Variants in CCAR2 observed in about 807,000 individuals in gnomAD.
CCAR2 encodes cell cycle and apoptosis regulator protein 2.
A neutral mutation model predicts 108.1 loss-of-function variants in CCAR2; 21 were observed. That is an observed-to-expected ratio of 0.19 (90% CI 0.14 to 0.28). The LOEUF is 0.28. Among genes scored for constraint, CCAR2 ranks in the 10% least tolerant of loss-of-function variants. The pLI is 1.00. For missense variants in CCAR2, 1,126 were observed against 1,177.0 expected, an observed-to-expected ratio of 0.96 and a Z score of 0.63; for synonymous variants, 577 against 472.8, an observed-to-expected ratio of 1.22 and a Z score of -2.86.
intron 8 of CCAR2, 96 bp from the exon 9 acceptor site, chr8:22,613,996 G>A: frequency 8.9e-7 from 1 of 1,129,310 alleles, no homozygotes; most frequent in Non-Finnish European, 1.3e-6. Flanking sequence ...TTCTCAGACT[G>A]AAAAAAAATT....
chr8:22,610,948 C>G (rs1325113035), intron 7 of CCAR2, among the ~76,000 whole-genome samples: 1 of 152,110 alleles, frequency 6.6e-6, no homozygotes, highest in Non-Finnish European at 1.5e-5. Flanking sequence ...GTACCCATAT[C>G]TATTGCACTT....
chr8:22,618,066 A>G (rs1415551130), intron 16 of CCAR2: 6 of 591,672 alleles, frequency 1.0e-5, no homozygotes, highest in Non-Finnish European at 1.2e-5. Flanking sequence ...CGTGATGAAC[A>G]TCAGGCAAGG....
chr8:22,618,337 T>TTTTC lies in CCAR2; in HGVS notation c.2074-8_2074-5dup, dbSNP rs1343051540. On this transcript the variant is annotated splice_polypyrimidine_tract_variant and intron_variant, in intron 16 of 20. Coordinates refer to ENST00000308511, the MANE Select transcript of CCAR2 (RefSeq NM_001393997.1). ...TATTTGCAAATCCTGCTCATCTTTGTTTTCTTTGCAGCCCAAGGAGCTGGA... is the reference window on the plus strand; with the variant it reads ...TATTTGCAAATCCTGCTCATCTTTGTTTTCTTTCTTTGCAGCCCAAGGAGCTGGA... The TTTTC allele has an allele frequency of 6.2e-7, 1 of 1,614,014 alleles. No homozygotes were observed. Among genetic ancestry groups the TTTTC allele is most frequent in the Non-Finnish European group, 8.5e-7 (1 of 1,179,982 alleles).
intron 6 of CCAR2, 88 bp downstream of exon 6, chr8:22,607,413 G>T (rs1801117528): frequency 6.5e-7 from 1 of 1,527,730 alleles, no homozygotes; most frequent in Non-Finnish European, 8.9e-7. Flanking sequence ...TAGCATAGAG[G>T]TGGGTACTTC....
rs1031349470 is a variant in CCAR2, at chr8:22,604,780, C to T, written c.-101C>T. The stretch of plus-strand genomic sequence containing the variant: ...GGAGAGGCGCTTCCGGTGGCGGCGG[C>T]AGCAGCGGCTGTGGTGGTTCCGGGT... On this transcript the variant is annotated 5_prime_UTR_variant, in exon 1 of 21. Transcript: ENST00000308511. 1.5e-5 allele frequency: 7 copies of T among 455,964 alleles called. No homozygotes were observed. Among genetic ancestry groups the T allele is most frequent in the African/African-American group, 8.0e-5 (4 of 50,070 alleles). The allele number at this position is 455,964 out of a possible 1,614,324, so 28.2% of individuals were successfully genotyped here. A position where few individuals can be genotyped will look rare whatever the true frequency, so the allele number is the denominator to read the frequency against.
intron 10 of CCAR2, 113 bp downstream of exon 10, chr8:22,614,616 G>C (rs780544472): frequency 1.8e-6 from 2 of 1,092,440 alleles, no homozygotes; most frequent in Non-Finnish European, 1.4e-6. Context: ...TCTCAGAGCC[G>C]AACACCCCTC....
intron 14 of CCAR2, 94 bp from the exon 15 acceptor site, chr8:22,617,326 G>A: frequency 7.1e-7 from 1 of 1,413,302 alleles, no homozygotes; most frequent in South Asian, 1.4e-5. Context: ...ACAGTGCCTG[G>A]GGCATAGTTG....
At chr8:22,606,208 G>C (rs760161558) in intron 3 of CCAR2, 32 bp downstream of exon 3, 9 of 1,546,462 alleles carry the variant, frequency 5.8e-6, no homozygotes, top group African/African-American at 2.7e-5. Context: ...GTAAGTTTCA[G>C]CCCTTGGGAC....
rs201518185 is a variant in CCAR2, at chr8:22,619,694, G to C, written c.*12G>C. On this transcript the variant is annotated 3_prime_UTR_variant, in exon 21 of 21. Transcript: ENST00000308511. ...CACCTAGCAACTGACGGCCTCGCAC[G>C]GAACTGCCATCCTGTGAGGGCAGCG... is the stretch of plus-strand genomic sequence containing the variant. The C allele has an allele frequency of 6.4e-7, 1 of 1,564,044 alleles. No individual in the cohort carries two copies. Among genetic ancestry groups the C allele is most frequent in the African/African-American group, 1.4e-5 (1 of 73,756 alleles).
chr8:22,616,195 C>T lies in CCAR2; in HGVS notation c.1792C>T (p.Pro598Ser), dbSNP rs1801500815. Residue 598 changes from proline (P) to serine (S), a missense_variant, in exon 14 of 21, where the codon CCC (proline) becomes TCC (serine). Transcript: ENST00000308511. ...CATCAAAGAGGAGGTGGTCAAGGAG[C>T]CCAAGGATGAGGCACAGAATGAGGG... ...EAIKEEVVKEPKDEAQNEGPA... is the reference protein window; with the variant it reads ...EAIKEEVVKESKDEAQNEGPA... 3 of 1,613,674 alleles carry T rather than the reference C, an allele frequency of 1.9e-6. No homozygotes were observed. The highest frequency in any genetic ancestry group is 1.1e-5 in the South Asian group (1 of 91,074).
In CCAR2 at chr8:22,615,667, C is replaced by A. The variant is rs769335655; in HGVS notation, c.1378-15C>A. The A allele has an allele frequency of 6.2e-7, 1 of 1,613,810 alleles. No homozygotes were observed. Among genetic ancestry groups the A allele is most frequent in the Non-Finnish European group, 8.5e-7 (1 of 1,179,984 alleles). On this transcript the variant is annotated splice_polypyrimidine_tract_variant and intron_variant, in intron 12 of 20. Coordinates refer to ENST00000308511, the MANE Select transcript of CCAR2 (RefSeq NM_001393997.1). ...TCCCGGGACCCAGAGGGTCTCATTT[C>A]AGCTGTTGTCACAGGAAACGGAGCC...
Position 22,617,746 on chromosome 8 carries a change from T to G in CCAR2, c.2041T>G (p.Ser681Ala), listed in dbSNP as rs1365683758. The change falls in exon 16 of 21, where the codon TCA becomes GCA. Residue 681 changes from serine (S) to alanine (A), a missense_variant. Physicochemically the swap from Ser to Ala is moderately conservative, Grantham distance 99. This residue lies in a region of CCAR2 where 1,013 missense variants were observed against 993.9 expected (regional missense o/e 1.02). Coordinates refer to ENST00000308511, the MANE Select transcript of CCAR2 (RefSeq NM_001393997.1). ...SEVRSVASNQ[S>A]EMEFSSLQDM... ...GGTCCGGTCCGTTGCCTCAAACCAG[T>G]CAGAGATGGAGTTCTCTTCACTTCA... 6.2e-7 allele frequency: 1 copy of G among 1,613,878 alleles called. No homozygotes were observed. Among genetic ancestry groups the G allele is most frequent in the Non-Finnish European group, 8.5e-7 (1 of 1,180,014 alleles).
rs1801352323 is a variant in CCAR2 at position 22,613,042 on chromosome 8, A to C, written c.610A>C (p.Lys204Gln). The change falls in exon 8 of 21, where the codon AAA becomes CAA. Residue 204 changes from lysine to glutamine, a missense_variant. Coordinates refer to ENST00000308511, the MANE Select transcript of CCAR2 (RefSeq NM_001393997.1). ...RSDDYDSKKR[K>Q]QRAGGEPWGA... is the part of the protein sequence containing the mutation. ...TGATGACTATGACTCCAAGAAACGC[A>C]AACAGCGGGCTGGTGGAGAGCCCTG... The C allele has an allele frequency of 6.2e-7, 1 of 1,613,104 alleles. No individual in the cohort carries two copies. Among genetic ancestry groups the C allele is most frequent in the Non-Finnish European group, 8.5e-7 (1 of 1,179,712 alleles).
In CCAR2 at chr8:22,618,906, C is replaced by A; in HGVS notation, c.2412C>A (p.Ser804=). Residue 804 remains serine (S), a synonymous_variant, in exon 19 of 21, where the codon TCC becomes TCA. Transcript: ENST00000308511. ...AAPTEHKALV[S]HNGSLINVGS... is the part of the protein sequence containing the mutation. The stretch of plus-strand genomic sequence containing the variant: ...CCACAGAACACAAAGCCTTGGTGTC[C>A]CACAATGGCAGCCTGATTAACGTGG... 2 of 1,613,912 alleles carry A rather than the reference C, an allele frequency of 1.2e-6. No individual in the cohort carries two copies. The highest frequency in any genetic ancestry group is 2.2e-5 in the South Asian group (2 of 91,090).
At chr8:22,621,346 G>A, downstream of CCAR2, 2 of 1,516,000 alleles carry the variant, frequency 1.3e-6, no homozygotes, top group Non-Finnish European at 1.8e-6. Context: ...CCTGTGAGAG[G>A]AGCAGCTAGC....
Position 22,614,503 on chromosome 8 carries a change from G to A in CCAR2, c.1041G>A (p.Lys347=), listed in dbSNP as rs772423753. Residue 347 remains lysine, a splice_region_variant and synonymous_variant, in exon 10 of 21, where the codon AAG becomes AAA. Coordinates refer to ENST00000308511, the MANE Select transcript of CCAR2 (RefSeq NM_001393997.1). The stretch of plus-strand genomic sequence containing the variant: ...CAGAGCATCCTCTGAAGCAGATTAA[G>A]GTAAGAGCTGGAGAGCAGGAGGAGA... ...ETPEHPLKQI[K]FLLGRKEEEA... is the part of the protein sequence containing the mutation. 4 of 1,613,140 alleles carry A rather than the reference G, an allele frequency of 2.5e-6. No homozygotes were observed. In the East Asian group the frequency reaches 6.7e-5, roughly 27 times the overall value.
Position 22,617,788 on chromosome 8 carries a change from CT to C in CCAR2, c.2073+12del. On this transcript the variant is annotated intron_variant, in intron 16 of 20. Transcript: ENST00000308511. ...TTCACTTCAGGACATGGTGAGGCCT[CT>C]TCTCGACCACTCTGGGTCTCAGTGG... 2 of 1,612,800 alleles carry C rather than the reference CT, an allele frequency of 1.2e-6. No homozygotes were observed. The highest frequency in any genetic ancestry group is 2.7e-5 in the African/African-American group (2 of 75,014).
intron 7 of CCAR2, among the ~76,000 whole-genome samples, chr8:22,611,056 A>G (rs933962809): frequency 1.3e-5 from 2 of 149,744 alleles, no homozygotes; most frequent in Non-Finnish European, 2.9e-5. Context: ...AAATACATAA[A>G]ATTAAAATAA....
Position 22,614,280 on chromosome 8 carries a change from T to G in CCAR2, c.893T>G (p.Ile298Ser). ...EAAPDAGAEPITADSDPAYSS... is the reference protein window; with the variant it reads ...EAAPDAGAEPSTADSDPAYSS... ...GCTCCAGACGCTGGTGCTGAGCCCATCACTGCAGACAGTGACCCCGCTTAT... is the reference window on the plus strand; with the variant it reads ...GCTCCAGACGCTGGTGCTGAGCCCAGCACTGCAGACAGTGACCCCGCTTAT... The change falls in exon 9 of 21, where the codon ATC (isoleucine) becomes AGC (serine). Residue 298 changes from isoleucine to serine, a missense_variant. Coordinates refer to ENST00000308511, the MANE Select transcript of CCAR2 (RefSeq NM_001393997.1). 6.2e-7 allele frequency: 1 copy of G among 1,614,070 alleles called. No individual in the cohort carries two copies. The highest frequency in any genetic ancestry group is 8.5e-7 in the Non-Finnish European group (1 of 1,180,020).
Sources: gnomAD v4.1 joint callset for allele counts (sites outside exome capture counted in the v4.1 genomes callset) on GRCh38, gnomAD v4.1.1 for gene constraint, gnomAD v4.1.1 regional missense constraint, MANE v1.5 for transcripts, NCBI Gene and HGNC (gene_info 2026-07-23, HGNC 2026-07-21) for gene names.